Variants in ULK4 observed in about 807,000 individuals in gnomAD.
ULK4 encodes inactive serine/threonine-protein kinase ULK4.
Under a neutral mutation model 160.6 loss-of-function variants are expected in ULK4, and 133 were observed. The observed-to-expected ratio is 0.83, with a 90% CI of 0.72 to 0.96. ULK4 has a LOEUF of 0.96. Ranked by LOEUF, ULK4 falls within the 40% of genes least tolerant of loss-of-function variation. The probability of loss-of-function intolerance (pLI) is 0.00; values close to 1 mark genes in which losing one functional copy is unlikely to be tolerated. For missense variants in ULK4, 1,580 were observed against 1,499.5 expected, an observed-to-expected ratio of 1.05 and a Z score of -0.89; for synonymous variants, 534 against 539.8, an observed-to-expected ratio of 0.99 and a Z score of 0.15.
intron 32 of ULK4, among the ~76,000 whole-genome samples, chr3:41,504,956 A>G (rs1170526162): frequency 6.6e-6 from 1 of 152,146 alleles, no homozygotes; most frequent in Non-Finnish European, 1.5e-5. Flanking sequence ...GTGTAGCTAA[A>G]CAAGCATAAT....
chr3:41,850,065 GGTTT>G (rs1294436620), intron 17 of ULK4, among the ~76,000 whole-genome samples: 1 of 152,098 alleles, frequency 6.6e-6, no homozygotes, highest in East Asian at 1.9e-4. Context: ...TGTGGTGTTT[GGTTT>G]TTCGTCCTTG....
chr3:41,495,821 T>C (rs1271482319), intron 32 of ULK4, among the ~76,000 whole-genome samples: 1 of 151,444 alleles, frequency 6.6e-6, no homozygotes, highest in East Asian at 1.9e-4. Flanking sequence ...AAAAGACACA[T>C]GAAAAAATGC....
chr3:41,535,811 T>A (rs1235195175), intron 32 of ULK4, among the ~76,000 whole-genome samples: 1 of 152,176 alleles, frequency 6.6e-6, no homozygotes, highest in East Asian at 1.9e-4. Context: ...CACATGGGCA[T>A]CCCCTCTGCT....
intron 22 of ULK4, among the ~76,000 whole-genome samples, chr3:41,739,934 A>G (rs2038187309): frequency 6.6e-6 from 1 of 151,930 alleles, no homozygotes; most frequent in African/African-American, 2.4e-5. Context: ...CAAATTAACT[A>G]TTATATATGA....
chr3:41,323,437 C>CACCAAAA (rs2080284559), intron 35 of ULK4, among the ~76,000 whole-genome samples: 1 of 149,076 alleles, frequency 6.7e-6, no homozygotes, highest in Non-Finnish European at 1.5e-5. Context: ...CACACACACA[C>CACCAAAA]ACCAAAAACC....
chr3:41,881,101 A>T (rs7640157), intron 17 of ULK4, among the ~76,000 whole-genome samples: 1 of 151,930 alleles, frequency 6.6e-6, no homozygotes, highest in African/African-American at 2.4e-5. Flanking sequence ...TTTACAGAAA[A>T]CTGGTCTCAA....
At chr3:41,820,562 T>C (rs2041113439) in intron 18 of ULK4, among the ~76,000 whole-genome samples, 1 of 152,022 alleles carries the variant, frequency 6.6e-6, no homozygotes, top group Non-Finnish European at 1.5e-5. Context: ...TTCTCACTTG[T>C]GAGAACTAAA....
intron 20 of ULK4, among the ~76,000 whole-genome samples, chr3:41,798,025 G>C (rs1162295233): frequency 6.6e-6 from 1 of 151,966 alleles, no homozygotes; most frequent in Non-Finnish European, 1.5e-5. Flanking sequence ...GACACTGTTG[G>C]GACAACTGGC....
intron 20 of ULK4, among the ~76,000 whole-genome samples, chr3:41,791,147 C>A (rs551350416): frequency 6.6e-6 from 1 of 152,224 alleles, no homozygotes; most frequent in South Asian, 2.1e-4. Flanking sequence ...TTTTTCTCTC[C>A]AAGAATAATC....
chr3:41,669,798 A>G (rs1386714184), intron 29 of ULK4, among the ~76,000 whole-genome samples: 3 of 150,850 alleles, frequency 2.0e-5, no homozygotes, highest in Non-Finnish European at 4.4e-5. Flanking sequence ...ATATAGTGTT[A>G]TATAAATGTA....
rs1446675184 is a variant in ULK4, at chr3:41,602,241, A to G, written c.3120+13428T>C. Among the ~76,000 whole-genome samples, 4 of 143,894 alleles carry G rather than the reference A, an allele frequency of 2.8e-5. No homozygotes were observed. In the Admixed American group the frequency reaches 2.8e-4, roughly 10 times the overall value. 94.4% of individuals were successfully genotyped at this position (143,894 alleles called of 152,430 possible). ...GAAGAGAAGAAAGGAAAGGAAAGGG[A>G]AGGAAGAGAAAAAGGAAAGGAAAGG... On this transcript the variant is annotated intron_variant, in intron 31 of 36. Coordinates refer to ENST00000301831, the MANE Select transcript of ULK4 (RefSeq NM_017886.4).
chr3:41,531,732 A>T (rs552860844), intron 32 of ULK4, among the ~76,000 whole-genome samples: 23 of 152,340 alleles, frequency 1.5e-4, no homozygotes, highest in African/African-American at 5.3e-4. Flanking sequence ...CAAAGAGGAA[A>T]ACCAGAGTCA....
At chr3:41,362,408 C>T (rs2081164716) in intron 35 of ULK4, among the ~76,000 whole-genome samples, 1 of 152,130 alleles carries the variant, frequency 6.6e-6, no homozygotes, top group African/African-American at 2.4e-5. Flanking sequence ...ACATTCGAAT[C>T]AGCAACACAT....
intron 32 of ULK4, among the ~76,000 whole-genome samples, chr3:41,552,158 T>G (rs911667509): frequency 6.6e-6 from 1 of 152,032 alleles, no homozygotes; most frequent in Non-Finnish European, 1.5e-5. Flanking sequence ...AACATCATGC[T>G]GTATGGTGGA....
intron 31 of ULK4, among the ~76,000 whole-genome samples, chr3:41,567,154 A>C (rs2087808898): frequency 6.6e-6 from 1 of 152,222 alleles, no homozygotes; most frequent in African/African-American, 2.4e-5. Flanking sequence ...ACAGAGAAAC[A>C]TATGGTTTGC....
At chr3:41,744,430 T>C (rs1452880467) in intron 22 of ULK4, among the ~76,000 whole-genome samples, 2 of 151,848 alleles carry the variant, frequency 1.3e-5, no homozygotes, top group Admixed American at 6.6e-5. Context: ...TGAAGTAAAC[T>C]TCAGAGAAAA....
At chr3:41,653,258 A>C (rs1022367958) in intron 30 of ULK4, among the ~76,000 whole-genome samples, 8 of 151,790 alleles carry the variant, frequency 5.3e-5, no homozygotes, top group African/African-American at 1.9e-4. Flanking sequence ...CAGCCCTTAC[A>C]CTCCAGAGCC....
At chr3:41,842,943 A>G (rs187462588) in intron 17 of ULK4, among the ~76,000 whole-genome samples, 2 of 152,344 alleles carry the variant, frequency 1.3e-5, no homozygotes, top group Non-Finnish European at 2.9e-5. Context: ...CTTTTTCAAT[A>G]AATAGTGCTG....
At chr3:41,930,269 G>T (rs1266231289) in intron 5 of ULK4, among the ~76,000 whole-genome samples, 4 of 151,656 alleles carry the variant, frequency 2.6e-5, no homozygotes, top group Non-Finnish European at 5.9e-5. Context: ...ATTGTGTTGG[G>T]AAAACTGGCT....
Sources: gnomAD v4.1 joint callset for allele counts (sites outside exome capture counted in the v4.1 genomes callset) on GRCh38, gnomAD v4.1.1 for gene constraint, MANE v1.5 for transcripts, NCBI Gene and HGNC (gene_info 2026-07-23, HGNC 2026-07-21) for gene names.